The following PATL2 variants were observed in gnomAD, a reference collection of about 807,000 sequenced individuals.
The protein encoded by PATL2 is PAT1 homolog 2.
In PATL2, 73 loss-of-function variants were observed where a neutral mutation model predicts 77.0. That is an observed-to-expected ratio of 0.95 (90% CI 0.78 to 1.15). The LOEUF is 1.15. Among genes scored for constraint, PATL2 ranks in the 50% most tolerant of loss-of-function variants. The pLI is 0.00. For missense variants in PATL2, 618 were observed against 655.4 expected (o/e 0.94, Z 0.62); for synonymous variants, 265 against 257.1 (o/e 1.03, Z -0.29).
intron 3 of PATL2, among the ~76,000 whole-genome samples, chr15:44,680,507 G>C (rs532241800): frequency 6.6e-6 from 1 of 151,982 alleles, no homozygotes; most frequent in African/African-American, 2.4e-5. Flanking sequence ...ACTTCCAGGT[G>C]GGGGGCTCTC....
intron 4 of PATL2, chr15:44,676,145 C>G (rs930108494): frequency 2.4e-6 from 1 of 408,298 alleles, no homozygotes; most frequent in Non-Finnish European, 4.5e-6. Flanking sequence ...CCCCACCCAA[C>G]GCCCTTTCTA....
intron 3 of PATL2, among the ~76,000 whole-genome samples, chr15:44,700,957 G>A (rs1428719883): frequency 6.6e-6 from 1 of 151,506 alleles, no homozygotes; most frequent in Admixed American, 6.6e-5. Context: ...TCCAGTTTTT[G>A]GGGGGGGTTT....
chr15:44,704,324 A>T (rs930503453), intron 3 of PATL2, among the ~76,000 whole-genome samples: 2 of 151,980 alleles, frequency 1.3e-5, no homozygotes, highest in Non-Finnish European at 2.9e-5. Flanking sequence ...CCCCTGTTGT[A>T]TGCTTTTTTA....
chr15:44,667,379 T>G, intron 15 of PATL2, 176 bp from the exon 16 acceptor site: 1 of 571,322 alleles, frequency 1.8e-6, no homozygotes, highest in South Asian at 2.1e-5. Context: ...TCTAACCCTT[T>G]CCATAGGAAT....
chr15:44,669,690 T>C (rs1324583272), intron 11 of PATL2, 87 bp downstream of exon 11: 25 of 1,512,448 alleles, frequency 1.7e-5, no homozygotes, highest in Middle Eastern at 1.8e-4. Context: ...TCTTCCTCCT[T>C]CTTCGGTCAC....
intron 3 of PATL2, among the ~76,000 whole-genome samples, chr15:44,696,751 T>C (rs550948524): frequency 2.0e-5 from 3 of 152,330 alleles, no homozygotes; most frequent in Non-Finnish European, 4.4e-5. Flanking sequence ...CTTTGTGTTC[T>C]ATTTTTTTGG....
intron 3 of PATL2, among the ~76,000 whole-genome samples, chr15:44,708,307 T>C (rs370179485): frequency 6.6e-6 from 1 of 152,356 alleles, no homozygotes; most frequent in African/African-American, 2.4e-5. Flanking sequence ...TATTCAGCCA[T>C]CTTGCTCCAC....
chr15:44,668,932 C>T, intron 14 of PATL2, 48 bp downstream of exon 14: 3 of 1,482,552 alleles, frequency 2.0e-6, no homozygotes, highest in Non-Finnish European at 2.7e-6. Context: ...GGAATGACCC[C>T]TAACCTATTC....
chr15:44,689,462 A>G (rs1463757241), intron 3 of PATL2, among the ~76,000 whole-genome samples: 1 of 152,220 alleles, frequency 6.6e-6, no homozygotes, highest in Non-Finnish European at 1.5e-5. Context: ...GAACCAACCC[A>G]AATGCCCATT....
intron 3 of PATL2, among the ~76,000 whole-genome samples, chr15:44,678,193 C>T (rs2086036824): frequency 6.6e-6 from 1 of 152,142 alleles, no homozygotes; most frequent in Non-Finnish European, 1.5e-5. Context: ...CTGTTTCTCT[C>T]AGGAACTTCC....
At chr15:44,680,657 A>G (rs776209255) in intron 3 of PATL2, among the ~76,000 whole-genome samples, 6 of 152,078 alleles carry the variant, frequency 3.9e-5, no homozygotes, top group African/African-American at 7.3e-5. Flanking sequence ...CTTCTTGGAG[A>G]CAAATCCCTG....
rs569907395 is a variant in PATL2 at position 44,676,669 on chromosome 15, C to A, written c.-75-104G>T. ...CTCCCAGCAAGATGGTTAGAGAATT[C>A]TTGGCCATGGTCTTGAGGAGAGAGA... On this transcript the variant is annotated intron_variant, in intron 3 of 17. Transcript: ENST00000682850. 5.5e-6 allele frequency: 7 copies of A among 1,275,796 alleles called. No homozygotes were observed. In the African/African-American group the frequency reaches 1.0e-4, roughly 19 times the overall value. The allele number at this position is 1,275,796 out of a possible 1,614,324, so 79.0% of individuals were successfully genotyped here. A position where few individuals can be genotyped will look rare whatever the true frequency, so the allele number is the denominator to read the frequency against.
In PATL2 at chr15:44,668,843, G is replaced by A. The variant is rs570827371; in HGVS notation, c.1224+137C>T. 2.8e-6 allele frequency: 3 copies of A among 1,069,470 alleles called. No individual in the cohort carries two copies. The African/African-American group carries it at 4.8e-5, about 17-fold the overall frequency. The allele number at this position is 1,069,470 out of a possible 1,614,324, so 66.2% of individuals were successfully genotyped here. A position where few individuals can be genotyped will look rare whatever the true frequency, so the allele number is the denominator to read the frequency against. On this transcript the variant is annotated intron_variant, in intron 14 of 17. Transcript: ENST00000682850. ...TAATAGTTCTGTAACTTCCTTGCCT[G>A]AGGGTGGCAAGGCCAGCATCCCTCG...
chr15:44,683,403 G>C (rs535528507), intron 3 of PATL2, among the ~76,000 whole-genome samples: 2 of 152,178 alleles, frequency 1.3e-5, no homozygotes, highest in African/African-American at 4.8e-5. Context: ...GCTTGGTGGG[G>C]GGAGGGGCGT....
chr15:44,699,851 T>G (rs950299099), intron 3 of PATL2, among the ~76,000 whole-genome samples: 1 of 152,188 alleles, frequency 6.6e-6, no homozygotes, highest in South Asian at 2.1e-4. Flanking sequence ...TCTGTTTCAT[T>G]GGTTTATGTG....
chr15:44,685,193 C>T (rs549041493), intron 3 of PATL2, among the ~76,000 whole-genome samples: 36 of 152,284 alleles, frequency 2.4e-4, no homozygotes, highest in Middle Eastern at 3.4e-3. Context: ...TGTCAACTAA[C>T]GGGCAAAATA....
Position 44,666,389 on chromosome 15 carries a change from T to C in PATL2, c.1613+3A>G. The stretch of plus-strand genomic sequence containing the variant: ...CTTTGACCTTGTTTCTGCCATTACT[T>C]ACTCCATCCTGGCCTCCAGCTGCTG... On this transcript the variant is annotated splice_donor_region_variant and intron_variant, in intron 17 of 17. Coordinates refer to ENST00000682850, the MANE Select transcript of PATL2 (RefSeq NM_001387263.1). 6.4e-7 allele frequency: 1 copy of C among 1,551,676 alleles called. No homozygotes were observed. The highest frequency in any genetic ancestry group is 1.7e-4 in the Middle Eastern group (1 of 5,990).
intron 3 of PATL2, among the ~76,000 whole-genome samples, chr15:44,700,086 G>T (rs1432612238): frequency 6.6e-6 from 1 of 152,038 alleles, no homozygotes; most frequent in Non-Finnish European, 1.5e-5. Flanking sequence ...GATTGCTTTA[G>T]GTAGTATAGA....
intron 16 of PATL2, 112 bp from the exon 17 acceptor site, chr15:44,666,653 G>A (rs2085387228): frequency 2.6e-6 from 3 of 1,152,422 alleles, no homozygotes; most frequent in Non-Finnish European, 3.6e-6. Context: ...CCACCCCCAG[G>A]TAGCAATTCA....
Sources: gnomAD v4.1 joint callset for allele counts (sites outside exome capture counted in the v4.1 genomes callset) on GRCh38, gnomAD v4.1.1 for gene constraint, MANE v1.5 for transcripts, NCBI Gene and HGNC (gene_info 2026-07-23, HGNC 2026-07-21) for gene names.